The following RDX variants were observed in gnomAD, a reference collection of about 807,000 sequenced individuals.
RDX encodes the protein deafness, autosomal recessive 24.
Under a neutral mutation model 83.7 loss-of-function variants are expected in RDX, and 32 were observed. The ratio of observed to expected loss-of-function variants is 0.38; its 90% CI spans 0.29 to 0.51. The LOEUF is 0.51. Ranked by LOEUF, RDX falls within the 20% of genes least tolerant of loss-of-function variation. RDX has a pLI of 0.87. For synonymous variants in RDX, 229 were observed against 222.7 expected (o/e 1.03, Z -0.25); for missense variants, 600 against 689.9 (o/e 0.87, Z 1.46).
At chr11:110,265,605 G>C (rs1400174405) in intron 3 of RDX, among the ~76,000 whole-genome samples, 4 of 152,032 alleles carry the variant, frequency 2.6e-5, no homozygotes, top group African/African-American at 9.7e-5. Context: ...TCATTTTGGT[G>C]ATAAGAAAAG....
rs749630987 is a variant in RDX, at chr11:110,247,752, T to A, written c.1041A>T (p.Leu347=). Residue 347 remains leucine (L), a synonymous_variant, in exon 10 of 14, where the codon CTA becomes CTT. Transcript: ENST00000645495. ...KERIEREKEE[L]MERLKQIEEQ... The stretch of plus-strand genomic sequence containing the variant: ...CTTCAATTTGTTTTAGACGTTCCAT[T>A]AGCTCTTCCTTTTCACGTTCTATTC... 1 of 1,611,994 alleles carries A rather than the reference T, an allele frequency of 6.2e-7. No individual in the cohort carries two copies. Among genetic ancestry groups the A allele is most frequent in the Non-Finnish European group, 8.5e-7 (1 of 1,179,240 alleles).
chr11:110,201,177 CAAA>C (rs34428422), intron 14 of RDX, among the ~76,000 whole-genome samples: 3 of 82,028 alleles, frequency 3.7e-5, no homozygotes, highest in Admixed American at 1.4e-4. Flanking sequence ...ACTCCCGTCT[CAAA>C]AAAAAAAAAA....
At chr11:110,275,119 T>C (rs1860460626) in intron 2 of RDX, among the ~76,000 whole-genome samples, 1 of 152,204 alleles carries the variant, frequency 6.6e-6, no homozygotes. Flanking sequence ...AAATGGTATC[T>C]CAATATGGTA....
At chr11:110,193,222 T>C (rs1863135815) in intron 15 of RDX, among the ~76,000 whole-genome samples, 1 of 152,190 alleles carries the variant, frequency 6.6e-6, no homozygotes, top group South Asian at 2.1e-4. Flanking sequence ...TACAGCAACA[T>C]GAATGCAGCT....
At chr11:110,209,346 G>A (rs1169724372) in intron 14 of RDX, among the ~76,000 whole-genome samples, 1 of 151,824 alleles carries the variant, frequency 6.6e-6, no homozygotes, top group Non-Finnish European at 1.5e-5. Flanking sequence ...CTACGCCCAC[G>A]GAGTCTCGCT....
downstream of RDX, among the ~76,000 whole-genome samples, chr11:110,227,126 A>G (rs10749958): frequency 0.45 from 68,749 of 151,946 alleles, 15,865 homozygotes; most frequent in East Asian, 0.61. Context: ...TTCCCTTATG[A>G]TTCTGAAAAA....
At chr11:110,238,898 C>A (rs1027282949) in intron 10 of RDX, among the ~76,000 whole-genome samples, 2 of 147,500 alleles carry the variant, frequency 1.4e-5, no homozygotes, top group African/African-American at 5.1e-5. Flanking sequence ...GCACTCCAGC[C>A]TGGGCGACGG....
rs1046991685 is a variant in RDX, at chr11:110,229,599, T to C, written c.*2270A>G. On this transcript the variant is annotated 3_prime_UTR_variant, in exon 14 of 14. Transcript: ENST00000645495. Reference sequence around the variant, plus strand: ...CATTAGTGTATTTTTACATTGACTATATGAACATGTGCTCGCGACTGCTAA... The same window carrying C: ...CATTAGTGTATTTTTACATTGACTACATGAACATGTGCTCGCGACTGCTAA... 6 of 152,532 alleles carry C rather than the reference T, an allele frequency of 3.9e-5. No individual in the cohort carries two copies. The highest frequency in any genetic ancestry group is 1.4e-4 in the African/African-American group (6 of 41,456). 9.4% of individuals were successfully genotyped at this position (152,532 alleles called of 1,614,324 possible).
intron 2 of RDX, among the ~76,000 whole-genome samples, chr11:110,278,556 A>G (rs543346287): frequency 1.3e-5 from 2 of 152,258 alleles, no homozygotes; most frequent in African/African-American, 2.4e-5. Context: ...TATATAAAAA[A>G]GGCCATTGAT....
At chr11:110,225,639 C>G (rs769432679), downstream of RDX, among the ~76,000 whole-genome samples, 2 of 152,098 alleles carry the variant, frequency 1.3e-5, no homozygotes, top group African/African-American at 2.4e-5. Context: ...AAACAAAAAA[C>G]CCAGAAAATA....
intron 15 of RDX, among the ~76,000 whole-genome samples, chr11:110,184,566 T>A (rs529943871): frequency 1.8e-4 from 27 of 152,244 alleles, no homozygotes; most frequent in African/African-American, 6.3e-4. Context: ...GGGAAACCCC[T>A]TCTGATGGGG....
downstream of RDX, chr11:110,229,298 C>T (rs557807692): frequency 1.3e-5 from 2 of 152,282 alleles, no homozygotes; most frequent in Admixed American, 6.5e-5. Context: ...AAAGAGGTAT[C>T]GGGGAAAGAG....
chr11:110,235,996 C>T, intron 12 of RDX, 103 bp downstream of exon 12: 1 of 831,008 alleles, frequency 1.2e-6, no homozygotes, highest in Non-Finnish European at 2.1e-6. Flanking sequence ...GTATCTTTCC[C>T]ACTCTAAATT....
intron 1 of RDX, among the ~76,000 whole-genome samples, chr11:110,282,274 T>C (rs1354823893): frequency 6.6e-6 from 1 of 152,220 alleles, no homozygotes; most frequent in Non-Finnish European, 1.5e-5. Flanking sequence ...TTTTTTTGAA[T>C]CAGTAATACA....
intron 2 of RDX, among the ~76,000 whole-genome samples, chr11:110,275,578 G>A (rs762819632): frequency 6.6e-6 from 1 of 151,890 alleles, no homozygotes; most frequent in Non-Finnish European, 1.5e-5. Context: ...TTTTCTATTG[G>A]GTTGTTTTTT....
At chr11:110,212,951 CTCCTAT>C (rs1863895535) in intron 14 of RDX, among the ~76,000 whole-genome samples, 3 of 131,454 alleles carry the variant, frequency 2.3e-5, no homozygotes, top group Non-Finnish European at 4.8e-5. Flanking sequence ...TCTCTCACCA[CTCCTAT>C]TCAACATAGT....
chr11:110,185,678 C>T (rs1023136834), intron 15 of RDX: 1 of 152,266 alleles, frequency 6.6e-6, no homozygotes, highest in African/African-American at 2.4e-5. Flanking sequence ...AGACCACCTT[C>T]ATCCTTGATA....
At chr11:110,272,673 A>G (rs1860353578) in intron 2 of RDX, 54 bp from the exon 3 acceptor site, 2 of 1,205,710 alleles carry the variant, frequency 1.7e-6, no homozygotes, top group East Asian at 5.0e-5. Context: ...TAGGCGTGAG[A>G]AAACTTTTAT....
At chr11:110,233,647 A>G (rs1864729428) in intron 12 of RDX, 168 bp from the exon 13 acceptor site, 1 of 697,162 alleles carries the variant, frequency 1.4e-6, no homozygotes, top group Non-Finnish European at 2.4e-6. Flanking sequence ...AAAAGAGAAA[A>G]TCAAAAACAT....
Sources: gnomAD v4.1 joint callset for allele counts (sites outside exome capture counted in the v4.1 genomes callset) on GRCh38, gnomAD v4.1.1 for gene constraint, MANE v1.5 for transcripts, NCBI Gene and HGNC (gene_info 2026-07-23, HGNC 2026-07-21) for gene names.